Variants in HDAC9 observed in about 807,000 individuals in gnomAD.
HDAC9 encodes the protein histone deacetylase 9.
In HDAC9, 41 loss-of-function variants were observed where a neutral mutation model predicts 139.4. The ratio of observed to expected loss-of-function variants is 0.29; its 90% confidence interval spans 0.23 to 0.38. The LOEUF (loss-of-function observed/expected upper bound fraction) is 0.38. HDAC9 is among the 10% of genes least tolerant of loss of function. The pLI is 1.00. For synonymous variants in HDAC9, 517 were observed against 476.2 expected (o/e 1.09, Z -1.12); for missense variants, 1,147 against 1,297.0 (o/e 0.88, Z 1.78).
chr7:18,754,297 A>G (rs1437756361), intron 14 of HDAC9, among the ~76,000 whole-genome samples: 1 of 152,026 alleles, frequency 6.6e-6, no homozygotes, highest in Non-Finnish European at 1.5e-5. Context: ...GAAACAAGCT[A>G]TTTGATTAAG....
At chr7:18,806,888 G>A (rs1395370070) in intron 17 of HDAC9, among the ~76,000 whole-genome samples, 3 of 152,144 alleles carry the variant, frequency 2.0e-5, no homozygotes, top group African/African-American at 7.2e-5. Context: ...TTACATCCAT[G>A]TTCATCAGGG....
chr7:18,300,370 C>G (rs1463420966), intron 1 of HDAC9, among the ~76,000 whole-genome samples: 1 of 152,092 alleles, frequency 6.6e-6, no homozygotes, highest in African/African-American at 2.4e-5. Flanking sequence ...ATTGGTTCCA[C>G]TCCTGGTGGA....
intron 23 of HDAC9, among the ~76,000 whole-genome samples, chr7:18,937,792 A>C (rs906472251): frequency 2.5e-4 from 38 of 152,218 alleles, no homozygotes; most frequent in Non-Finnish European, 4.3e-4. Context: ...ATGTTACCTG[A>C]TTGCAAAAGC....
At chr7:18,806,882 A>G (rs1793754373) in intron 17 of HDAC9, among the ~76,000 whole-genome samples, 1 of 152,092 alleles carries the variant, frequency 6.6e-6, no homozygotes, top group Admixed American at 6.6e-5. Flanking sequence ...TGATTTTTAC[A>G]TCCATGTTCA....
Position 18,189,893 on chromosome 7 carries a change from G to T in HDAC9, c.25+27544G>T, listed in dbSNP as rs551466895. Among the ~76,000 whole-genome samples, 6 of 151,678 alleles carry T rather than the reference G, an allele frequency of 4.0e-5. No individual in the cohort carries two copies. The South Asian group carries it at 1.3e-3, about 32-fold the overall frequency. ...GAGCACAATGTGAAACACATAAAAA[G>T]ATTTAACTTGTAAATAACTTGTGTG... On this transcript the variant is annotated intron_variant, in intron 2 of 12. Transcript: ENST00000417496.
chr7:18,974,640 G>T (rs533214462), intron 24 of HDAC9, among the ~76,000 whole-genome samples: 29 of 152,280 alleles, frequency 1.9e-4, no homozygotes, highest in Admixed American at 5.9e-4. Flanking sequence ...TATGTCAGAT[G>T]GTCTTGTTGG....
chr7:18,885,505 A>T (rs2129261957), intron 22 of HDAC9, among the ~76,000 whole-genome samples: 1 of 152,304 alleles, frequency 6.6e-6, no homozygotes, highest in Middle Eastern at 3.4e-3. Flanking sequence ...ACCATTACAA[A>T]ATTTTACAAC....
At chr7:18,977,919 GACACACACACACACACACACAC>G (rs147049392) in intron 25 of HDAC9, among the ~76,000 whole-genome samples, 3 of 141,036 alleles carry the variant, frequency 2.1e-5, no homozygotes, top group East Asian at 2.1e-4. Flanking sequence ...CAGACAGACA[GACACACACACACACACACACAC>G]ACACACACAC....
chr7:18,775,503 A>G (rs997371063), intron 16 of HDAC9, among the ~76,000 whole-genome samples: 4 of 152,040 alleles, frequency 2.6e-5, no homozygotes, highest in African/African-American at 4.8e-5. Context: ...AATAAAAACC[A>G]AGACCTACAA....
intron 16 of HDAC9, among the ~76,000 whole-genome samples, chr7:18,777,026 G>A (rs1476340187): frequency 1.3e-5 from 2 of 151,816 alleles, no homozygotes; most frequent in Non-Finnish European, 2.9e-5. Context: ...GAATTTCTAG[G>A]CACACGCTGA....
chr7:18,322,033 C>T (rs1800067038), intron 1 of HDAC9, among the ~76,000 whole-genome samples: 1 of 152,080 alleles, frequency 6.6e-6, no homozygotes, highest in Non-Finnish European at 1.5e-5. Flanking sequence ...ATGTAAAGCT[C>T]CCATGTCACT....
At chr7:18,156,938 G>A (rs1211503689) in intron 1 of HDAC9, among the ~76,000 whole-genome samples, 1 of 152,044 alleles carries the variant, frequency 6.6e-6, no homozygotes, top group Non-Finnish European at 1.5e-5. Flanking sequence ...AAGTAAAAAT[G>A]TTAGGTGGGC....
At chr7:18,658,878 T>G (rs1792145181) in intron 11 of HDAC9, among the ~76,000 whole-genome samples, 1 of 145,400 alleles carries the variant, frequency 6.9e-6, no homozygotes, top group Non-Finnish European at 1.5e-5. Flanking sequence ...AATATTACAT[T>G]TATTTAAAAG....
chr7:18,925,424 T>C (rs1478826028), intron 22 of HDAC9, among the ~76,000 whole-genome samples: 1 of 152,160 alleles, frequency 6.6e-6, no homozygotes, highest in Non-Finnish European at 1.5e-5. Flanking sequence ...TTATACACCA[T>C]ATAAGGGTAA....
intron 2 of HDAC9, among the ~76,000 whole-genome samples, chr7:18,176,106 G>T (rs961692358): frequency 2.0e-5 from 3 of 152,104 alleles, no homozygotes; most frequent in African/African-American, 7.2e-5. Context: ...TTGTTTTTCA[G>T]AAAGAAATGT....
chr7:18,631,682 A>G (rs951464790), intron 7 of HDAC9, among the ~76,000 whole-genome samples: 3 of 151,540 alleles, frequency 2.0e-5, no homozygotes, highest in Non-Finnish European at 4.4e-5. Context: ...AAATTCAAGT[A>G]TTTTCTGCCC....
intron 2 of HDAC9, among the ~76,000 whole-genome samples, chr7:18,266,376 G>C (rs1457435757): frequency 6.6e-6 from 1 of 151,994 alleles, no homozygotes. Context: ...AAATACTCAG[G>C]TCTGAATAAT....
chr7:18,882,590 G>A (rs7809412), intron 22 of HDAC9, among the ~76,000 whole-genome samples: 6,125 of 151,536 alleles, frequency 0.04, 297 homozygotes, highest in African/African-American at 0.11. Context: ...ATATTTGTTC[G>A]GATCTCAAAT....
upstream of HDAC9, chr7:18,495,682 T>C: frequency 1.1e-6 from 1 of 933,846 alleles, no homozygotes; most frequent in Non-Finnish European, 1.3e-6. Flanking sequence ...ATGCTGTTGT[T>C]GATTCATATG....
Sources: gnomAD v4.1 joint callset for allele counts (sites outside exome capture counted in the v4.1 genomes callset) on GRCh38, gnomAD v4.1.1 for gene constraint, MANE v1.5 for transcripts, NCBI Gene and HGNC (gene_info 2026-07-23, HGNC 2026-07-21) for gene names.